Variants in FLT3 observed in about 807,000 individuals in gnomAD.
The protein encoded by FLT3 is fms related receptor tyrosine kinase 3.
In FLT3, 46 loss-of-function variants were observed where a neutral mutation model predicts 126.6. The observed-to-expected ratio is 0.36, with a 90% CI of 0.29 to 0.46. FLT3 has a LOEUF of 0.46. Ranked by LOEUF, FLT3 falls within the 20% of genes least tolerant of loss-of-function variation. The probability of loss-of-function intolerance (pLI) is 1.00; values close to 1 mark genes in which losing one functional copy is unlikely to be tolerated. For synonymous variants in FLT3, 404 were observed against 434.4 expected (o/e 0.93, Z 0.87); for missense variants, 1,069 against 1,190.3 (o/e 0.90, Z 1.50).
At chr13:28,061,395 G>C (rs950885809) in intron 3 of FLT3, among the ~76,000 whole-genome samples, 14 of 151,996 alleles carry the variant, frequency 9.2e-5, no homozygotes, top group Non-Finnish European at 1.5e-5. Flanking sequence ...TATGAGATTT[G>C]ACAGATATAT....
chr13:28,017,712 TGGAGTG>T, intron 20 of FLT3, among the ~76,000 whole-genome samples: 1 of 150,366 alleles, frequency 6.7e-6, no homozygotes, highest in South Asian at 2.2e-4. Context: ...TTGCCCAGGC[TGGAGTG>T]CAGTGGCGCG....
intron 1 of FLT3, among the ~76,000 whole-genome samples, chr13:28,094,944 T>C (rs1165615661): frequency 6.6e-6 from 1 of 152,184 alleles, no homozygotes; most frequent in East Asian, 1.9e-4. Flanking sequence ...ATAGAAAGTA[T>C]CAACCAAGAA....
intron 23 of FLT3, among the ~76,000 whole-genome samples, chr13:28,006,126 T>G (rs912196757): frequency 9.2e-5 from 14 of 152,140 alleles, no homozygotes; most frequent in Admixed American, 9.2e-4. Flanking sequence ...GTGATACATT[T>G]TTATTATTAT....
chr13:28,064,370 C>G (rs1056685300), intron 2 of FLT3, among the ~76,000 whole-genome samples: 2 of 151,856 alleles, frequency 1.3e-5, no homozygotes, highest in Non-Finnish European at 2.9e-5. Context: ...GTCAGGAGTT[C>G]GAGACCAGCC....
At chr13:28,028,375 T>C (rs897884891) in intron 15 of FLT3, 87 bp from the exon 16 acceptor site, 3 of 699,714 alleles carry the variant, frequency 4.3e-6, no homozygotes, top group Non-Finnish European at 7.6e-6. Context: ...CAGCTCAGAG[T>C]CAATCTGCAT....
Position 28,003,937 on chromosome 13 carries a change from G to T in FLT3, c.*115C>A. 1 of 1,234,638 alleles carries T rather than the reference G, an allele frequency of 8.1e-7. No individual in the cohort carries two copies. The highest frequency in any genetic ancestry group is 1.2e-6 in the Non-Finnish European group (1 of 863,594). The allele number at this position is 1,234,638 out of a possible 1,614,324, so 76.5% of individuals were successfully genotyped here. A position where few individuals can be genotyped will look rare whatever the true frequency, so the allele number is the denominator to read the frequency against. On this transcript the variant is annotated 3_prime_UTR_variant, in exon 24 of 24. Transcript: ENST00000241453. The stretch of plus-strand genomic sequence containing the variant: ...GACAGCTTCTAGAGAAAAGTCTGGT[G>T]AAGCAGCAGTTGATAATAGATTTTC...
At chr13:28,052,346 T>C (rs977887109) in intron 5 of FLT3, among the ~76,000 whole-genome samples, 199 bp downstream of exon 5, 3 of 152,210 alleles carry the variant, frequency 2.0e-5, no homozygotes, top group Non-Finnish European at 4.4e-5. Context: ...TCTGTCCACC[T>C]TGGCCTCCCG....
intron 17 of FLT3, among the ~76,000 whole-genome samples, chr13:28,026,628 T>TGTCCCCATCAC (rs1872828172): frequency 6.6e-6 from 1 of 152,182 alleles, no homozygotes; most frequent in Non-Finnish European, 1.5e-5. Flanking sequence ...TACTTTACTG[T>TGTCCCCATCAC]GTCCCCATCA....
intron 4 of FLT3, among the ~76,000 whole-genome samples, chr13:28,054,067 G>A (rs148751027): frequency 3.3e-4 from 50 of 152,222 alleles, no homozygotes; most frequent in African/African-American, 1.2e-3. Context: ...CATTTGTACT[G>A]AGGCATGTGT....
chr13:28,084,791 C>A (rs187281435), intron 1 of FLT3, among the ~76,000 whole-genome samples: 2 of 151,724 alleles, frequency 1.3e-5, no homozygotes, highest in Non-Finnish European at 2.9e-5. Flanking sequence ...CTGGCTAACA[C>A]GGTGAAACCC....
intron 17 of FLT3, among the ~76,000 whole-genome samples, chr13:28,026,727 T>G (rs1872837851): frequency 6.6e-6 from 1 of 152,238 alleles, no homozygotes; most frequent in Non-Finnish European, 1.5e-5. Flanking sequence ...AGCTGCTCTC[T>G]TTGCATATGT....
chr13:28,061,257 A>G (rs1428750656), intron 3 of FLT3, among the ~76,000 whole-genome samples: 1 of 151,686 alleles, frequency 6.6e-6, no homozygotes, highest in African/African-American at 2.4e-5. Flanking sequence ...TCAGGAGGCT[A>G]AGACAGGAGA....
chr13:28,045,062 G>C (rs1300163404), intron 9 of FLT3, among the ~76,000 whole-genome samples: 1 of 152,174 alleles, frequency 6.6e-6, no homozygotes, highest in Non-Finnish European at 1.5e-5. Context: ...GGAGTCAGGA[G>C]CTCACCTAAT....
intron 10 of FLT3, among the ~76,000 whole-genome samples, chr13:28,036,882 A>T (rs528651039): frequency 2.5e-4 from 38 of 152,320 alleles, no homozygotes; most frequent in African/African-American, 9.1e-4. Flanking sequence ...CGGGAGGCTT[A>T]GGAGGATCAC....
In FLT3 at chr13:28,057,461, C is replaced by T; in HGVS notation, c.370G>A (p.Gly124Arg). 1 of 1,340,450 alleles carries T rather than the reference C, an allele frequency of 7.5e-7. No individual in the cohort carries two copies. Among genetic ancestry groups the T allele is most frequent in the South Asian group, 1.2e-5 (1 of 85,486 alleles). The allele number at this position is 1,340,450 out of a possible 1,614,324, so 83.0% of individuals were successfully genotyped here. The part of the protein sequence containing the change: ...CQPHFDLQNR[G>R]VVSMVILKMT... ...TTCAAAATGACCATGGAAACAACTC[C>T]TCTGCAAAACAGGAAAGAGAACTAG... The change falls in exon 4 of 24, where the codon GGA (glycine) becomes AGA (arginine). Residue 124 changes from glycine (G) to arginine (R), a missense_variant and splice_region_variant. Coordinates refer to ENST00000241453, the MANE Select transcript of FLT3 (RefSeq NM_004119.3).
chr13:28,089,788 G>A (rs996623965), intron 1 of FLT3, among the ~76,000 whole-genome samples: 6 of 151,066 alleles, frequency 4.0e-5, no homozygotes, highest in African/African-American at 1.5e-4. Flanking sequence ...AGGCTGGAGT[G>A]CAGTGGAGTG....
At chr13:28,076,459 G>A (rs1877935709) in intron 1 of FLT3, among the ~76,000 whole-genome samples, 1 of 152,122 alleles carries the variant, frequency 6.6e-6, no homozygotes, top group African/African-American at 2.4e-5. Flanking sequence ...ACGTGTCCCA[G>A]TCCAAGACCA....
rs929987900 is a variant in FLT3 at position 28,018,310 on chromosome 13, C to A, written c.2541+157G>T. The A allele has an allele frequency of 3.1e-5, 23 of 731,560 alleles. No individual in the cohort carries two copies. In the African/African-American group the frequency reaches 3.9e-4, roughly 13 times the overall value. 45.3% of individuals were successfully genotyped at this position (731,560 alleles called of 1,614,324 possible). ...ATAGATGGAAGATTCCCTGAAGCTG[C>A]AGAAAAACCTTTTAAGCATAAGTAA... On this transcript the variant is annotated intron_variant, in intron 20 of 23. Coordinates refer to ENST00000241453, the MANE Select transcript of FLT3 (RefSeq NM_004119.3).
chr13:28,090,544 G>A (rs1013880534), intron 1 of FLT3, among the ~76,000 whole-genome samples: 12 of 152,076 alleles, frequency 7.9e-5, no homozygotes, highest in East Asian at 3.9e-4. Flanking sequence ...TTGGGAGGCC[G>A]AGGCAGGAGG....
Sources: gnomAD v4.1 joint callset for allele counts (sites outside exome capture counted in the v4.1 genomes callset) on GRCh38, gnomAD v4.1.1 for gene constraint, MANE v1.5 for transcripts, NCBI Gene and HGNC (gene_info 2026-07-23, HGNC 2026-07-21) for gene names.